EIF2B3: variants seen among roughly 807,000 people sequenced by gnomAD.
The protein encoded by EIF2B3 is translation initiation factor eIF2B subunit gamma.
Under a neutral mutation model 54.1 loss-of-function variants are expected in EIF2B3, and 20 were observed. The observed-to-expected ratio is 0.37, with a 90% confidence interval of 0.26 to 0.54. The LOEUF (loss-of-function observed/expected upper bound fraction) is 0.54. Among genes scored for constraint, EIF2B3 ranks in the 20% least tolerant of loss-of-function variants. The pLI is 0.86. For missense variants in EIF2B3, 448 were observed against 547.8 expected (o/e 0.82, Z 1.82); for synonymous variants, 153 against 188.1 (o/e 0.81, Z 1.52).
At chr1:44,924,396 GTTTGTTTGTT>G (rs1557687863) in intron 5 of EIF2B3, among the ~76,000 whole-genome samples, 2 of 148,898 alleles carry the variant, frequency 1.3e-5, no homozygotes, top group East Asian at 1.9e-4. Flanking sequence ...TCCTTTTTTT[GTTTGTTTGTT>G]TTTGTTTGTT....
At chr1:44,966,878 A>G (rs1393235204) in intron 3 of EIF2B3, among the ~76,000 whole-genome samples, 3 of 152,004 alleles carry the variant, frequency 2.0e-5, no homozygotes, top group African/African-American at 7.2e-5. Flanking sequence ...CTGGAGTGCA[A>G]TGGCGCGACC....
chr1:44,858,043 G>A (rs890637855), intron 10 of EIF2B3, among the ~76,000 whole-genome samples: 1 of 149,686 alleles, frequency 6.7e-6, no homozygotes, highest in East Asian at 2.0e-4. Context: ...GGCCTGAAAA[G>A]AAGATATTCT....
chr1:44,852,051 TGATTCTCCC>T (rs1170383718), intron 11 of EIF2B3, among the ~76,000 whole-genome samples: 2 of 151,378 alleles, frequency 1.3e-5, no homozygotes, highest in Non-Finnish European at 2.9e-5. Context: ...TGGGTTCAAG[TGATTCTCCC>T]GCCTCAGCCT....
chr1:44,963,916 A>C (rs1248211384), intron 3 of EIF2B3, among the ~76,000 whole-genome samples: 1 of 152,170 alleles, frequency 6.6e-6, no homozygotes, highest in Non-Finnish European at 1.5e-5. Flanking sequence ...AAGGAAAATG[A>C]CTTAAAAGAA....
At chr1:44,967,935 G>A (rs1644360717) in intron 3 of EIF2B3, among the ~76,000 whole-genome samples, 1 of 152,108 alleles carries the variant, frequency 6.6e-6, no homozygotes, top group Admixed American at 6.5e-5. Context: ...CTACTCAGGG[G>A]GCTGAGACAG....
intron 10 of EIF2B3, among the ~76,000 whole-genome samples, chr1:44,871,490 T>C (rs564982051): frequency 6.6e-6 from 1 of 152,384 alleles, no homozygotes; most frequent in African/African-American, 2.4e-5. Flanking sequence ...TACTTGGCCC[T>C]TGTCCATCTG....
At chr1:44,876,438 C>T (rs1385131622) in intron 8 of EIF2B3, among the ~76,000 whole-genome samples, 1 of 140,754 alleles carries the variant, frequency 7.1e-6, no homozygotes, top group African/African-American at 2.7e-5. Context: ...CCGGCCGCCC[C>T]GTCTGAGAAG....
intron 3 of EIF2B3, among the ~76,000 whole-genome samples, chr1:44,956,165 C>G (rs1203093667): frequency 6.6e-6 from 1 of 152,100 alleles, no homozygotes; most frequent in African/African-American, 2.4e-5. Context: ...ACTTATACAC[C>G]ATGGAATACT....
chr1:44,938,524 G>C (rs1156685379), intron 4 of EIF2B3, among the ~76,000 whole-genome samples: 1 of 151,150 alleles, frequency 6.6e-6, no homozygotes, highest in Non-Finnish European at 1.5e-5. Context: ...GACAGAGTGA[G>C]ACTCTGGAGT....
chr1:44,942,187 T>TATAAAA (rs1644031069), intron 3 of EIF2B3, among the ~76,000 whole-genome samples: 1 of 151,220 alleles, frequency 6.6e-6, no homozygotes, highest in Non-Finnish European at 1.5e-5. Flanking sequence ...CATTCAATCT[T>TATAAAA]ATAAAAATAG....
At chr1:44,952,710 G>A (rs550057863) in intron 3 of EIF2B3, among the ~76,000 whole-genome samples, 2 of 151,630 alleles carry the variant, frequency 1.3e-5, no homozygotes, top group Non-Finnish European at 2.9e-5. Flanking sequence ...CCGCCACCAC[G>A]CCCGGCTAAT....
At chr1:44,956,077 C>T (rs1188944419) in intron 3 of EIF2B3, among the ~76,000 whole-genome samples, 14 of 152,242 alleles carry the variant, frequency 9.2e-5, no homozygotes, top group Middle Eastern at 3.4e-3. Context: ...ATGTTTACTG[C>T]GGCACTGTTC....
rs1368730590 is a variant in EIF2B3 at position 44,921,915 on chromosome 1, TTTTA to T, written c.566+4709_566+4712del. On this transcript the variant is annotated intron_variant, in intron 5 of 11. Coordinates refer to ENST00000360403, the MANE Select transcript of EIF2B3 (RefSeq NM_020365.5). ...ATATATATTTTTTTATTTTATTTTA[TTTTA>T]TTTATTTTTTTTTGAGATGGAGTCT... Among the ~76,000 whole-genome samples the T allele has an allele frequency of 7.4e-4, 112 of 151,282 alleles. 1 individual carries two copies. The highest frequency in any genetic ancestry group is 4.6e-4 in the Admixed American group (7 of 15,210).
intron 11 of EIF2B3, among the ~76,000 whole-genome samples, chr1:44,851,336 A>G (rs768735629): frequency 6.6e-6 from 1 of 152,066 alleles, no homozygotes; most frequent in Non-Finnish European, 1.5e-5. Flanking sequence ...AAGTGCTGGG[A>G]TTACAGGTAT....
intron 5 of EIF2B3, among the ~76,000 whole-genome samples, chr1:44,908,057 G>A (rs939303429): frequency 6.6e-6 from 1 of 152,116 alleles, no homozygotes; most frequent in Non-Finnish European, 1.5e-5. Context: ...GAAGAATGTG[G>A]TGCAAATAAT....
chr1:44,908,649 C>T (rs1026781767), intron 5 of EIF2B3, among the ~76,000 whole-genome samples: 1 of 152,008 alleles, frequency 6.6e-6, no homozygotes, highest in Non-Finnish European at 1.5e-5. Context: ...TAACTGAGGG[C>T]TTTAGGAATG....
At chr1:44,889,806 G>C (rs1340618555) in intron 6 of EIF2B3, among the ~76,000 whole-genome samples, 1 of 152,124 alleles carries the variant, frequency 6.6e-6, no homozygotes, top group East Asian at 1.9e-4. Context: ...TGGGATTACA[G>C]GTGTGAGCCA....
At position 44,879,955 on chromosome 1, in the gene EIF2B3, C is replaced by T. The variant is rs759452164; in HGVS notation, c.838G>A (p.Ala280Thr). The T allele has an allele frequency of 6.2e-7, 1 of 1,614,204 alleles. No homozygotes were observed. The highest frequency in any genetic ancestry group is 8.5e-7 in the Non-Finnish European group (1 of 1,180,038). Reference protein sequence around the residue: ...ANTLNLAPYDACWNACRGDRW... With the variant: ...ANTLNLAPYDTCWNACRGDRW... The stretch of plus-strand genomic sequence containing the variant: ...TCTCCTCGACAGGCATTCCAGCAGG[C>T]ATCATAGGGAGCCAGGTTCAGTGTA... Residue 280 changes from alanine to threonine, a missense_variant, in exon 8 of 12, where the codon GCC becomes ACC. Coordinates refer to ENST00000360403, the MANE Select transcript of EIF2B3 (RefSeq NM_020365.5).
chr1:44,857,945 C>T (rs1557658175), intron 10 of EIF2B3, 138 bp from the exon 11 acceptor site: 2 of 762,286 alleles, frequency 2.6e-6, no homozygotes, highest in East Asian at 5.2e-5. Flanking sequence ...CTCAAGTTAT[C>T]AGTGGAAGAC....
Sources: gnomAD v4.1 joint callset for allele counts (sites outside exome capture counted in the v4.1 genomes callset) on GRCh38, gnomAD v4.1.1 for gene constraint, MANE v1.5 for transcripts, NCBI Gene and HGNC (gene_info 2026-07-23, HGNC 2026-07-21) for gene names.